Variants in PIP5K1B observed in about 807,000 individuals in gnomAD.
The protein encoded by PIP5K1B is phosphatidylinositol 4-phosphate 5-kinase type-1 beta.
A neutral mutation model predicts 67.0 loss-of-function variants in PIP5K1B; 42 were observed. That is an observed-to-expected ratio of 0.63 (90% CI 0.49 to 0.81). The LOEUF (loss-of-function observed/expected upper bound fraction) is 0.81, where lower values mean the gene tolerates loss of function less well. Ranked by LOEUF, PIP5K1B falls within the 30% of genes least tolerant of loss-of-function variation. The pLI, the probability that PIP5K1B is intolerant of heterozygous loss-of-function variation, is 0.00. For synonymous variants in PIP5K1B, 214 were observed against 231.4 expected (o/e 0.92, Z 0.68); for missense variants, 459 against 646.3 (o/e 0.71, Z 3.14).
intron 14 of PIP5K1B, chr9:68,963,293 G>A (rs116241762): frequency 2.5e-4 from 112 of 449,758 alleles, no homozygotes; most frequent in African/African-American, 4.2e-4. Context: ...TCTTGAGTCC[G>A]GAAGTTCAAG....
intron 2 of PIP5K1B, among the ~76,000 whole-genome samples, chr9:68,750,649 A>C (rs1384039151): frequency 6.6e-6 from 1 of 152,250 alleles, no homozygotes; most frequent in Non-Finnish European, 1.5e-5. Flanking sequence ...GCAGTGAATA[A>C]AATGAAGATC....
chr9:68,830,461 G>A (rs1454326214), intron 4 of PIP5K1B, among the ~76,000 whole-genome samples: 1 of 152,110 alleles, frequency 6.6e-6, no homozygotes, highest in Non-Finnish European at 1.5e-5. Context: ...TTATTAGCCT[G>A]TTGCCCTGAA....
intron 15 of PIP5K1B, among the ~76,000 whole-genome samples, chr9:69,006,308 G>T (rs1224817102): frequency 5.3e-5 from 8 of 152,140 alleles, no homozygotes; most frequent in Admixed American, 5.2e-4. Flanking sequence ...CTGGGCCCTT[G>T]TATCTAGGGA....
intron 14 of PIP5K1B, among the ~76,000 whole-genome samples, chr9:68,942,821 C>T (rs1460935433): frequency 2.6e-5 from 4 of 152,084 alleles, no homozygotes; most frequent in Non-Finnish European, 5.9e-5. Flanking sequence ...TCTTATATTT[C>T]ACTATCAATC....
chr9:68,870,057 C>T (rs779793535), intron 5 of PIP5K1B, among the ~76,000 whole-genome samples: 1 of 152,150 alleles, frequency 6.6e-6, no homozygotes, highest in Non-Finnish European at 1.5e-5. Flanking sequence ...AAACTGATTT[C>T]CTATTACTAA....
chr9:68,728,628 C>T (rs1422438926), intron 1 of PIP5K1B: 1 of 152,140 alleles, frequency 6.6e-6, no homozygotes, highest in Non-Finnish European at 1.5e-5. Flanking sequence ...TCCTGAGGCA[C>T]AGCTTGTTTG....
At chr9:68,922,626 C>T (rs1396635943) in intron 11 of PIP5K1B, among the ~76,000 whole-genome samples, 1 of 152,134 alleles carries the variant, frequency 6.6e-6, no homozygotes, top group Non-Finnish European at 1.5e-5. Flanking sequence ...CCTCCTTTCC[C>T]TTCATCTATC....
intron 12 of PIP5K1B, among the ~76,000 whole-genome samples, chr9:68,925,874 T>G (rs997081723): frequency 6.7e-6 from 1 of 148,944 alleles, no homozygotes; most frequent in East Asian, 2.0e-4. Context: ...TTCAGCTCAC[T>G]GCAACCTCTG....
chr9:68,710,076 G>A (rs1020086619), intron 1 of PIP5K1B, among the ~76,000 whole-genome samples: 5 of 152,194 alleles, frequency 3.3e-5, no homozygotes, highest in Admixed American at 1.3e-4. Context: ...GTTAGATGGT[G>A]AGTCAGAACA....
intron 7 of PIP5K1B, among the ~76,000 whole-genome samples, chr9:68,892,766 C>A (rs1196344701): frequency 6.6e-6 from 1 of 152,012 alleles, no homozygotes; most frequent in South Asian, 2.1e-4. Flanking sequence ...TAAACATGAC[C>A]ACATCAAAAG....
chr9:68,864,009 C>G, intron 5 of PIP5K1B, 42 bp downstream of exon 5: 1 of 1,600,778 alleles, frequency 6.2e-7, no homozygotes, highest in Non-Finnish European at 8.5e-7. Context: ...TGCTAAGGAA[C>G]CTTCTTTGTG....
At position 68,862,158 on chromosome 9, in the gene PIP5K1B, G is replaced by T. The variant is rs147682172; in HGVS notation, c.70-1679G>T. Among the ~76,000 whole-genome samples the T allele has an allele frequency of 4.0e-3, 603 of 152,254 alleles. 1 individual carries two copies. Among genetic ancestry groups the T allele is most frequent in the Non-Finnish European group, 6.5e-3 (443 of 68,024 alleles). On this transcript the variant is annotated intron_variant, in intron 4 of 15. Coordinates refer to ENST00000265382, the MANE Select transcript of PIP5K1B (RefSeq NM_003558.4). ...AGTCTGTAGATGGACTAGAGACCTA[G>T]CCCTGCTCTAGATGTAGTCTGTTTG...
chr9:69,008,344 C>A, intron 15 of PIP5K1B, 103 bp from the exon 16 acceptor site: 1 of 989,596 alleles, frequency 1.0e-6, no homozygotes, highest in Non-Finnish European at 1.6e-6. Context: ...TTTCCAGACA[C>A]AAGTGATTGG....
At chr9:68,997,839 A>C (rs1587783700) in intron 15 of PIP5K1B, among the ~76,000 whole-genome samples, 1 of 152,206 alleles carries the variant, frequency 6.6e-6, no homozygotes, top group African/African-American at 2.4e-5. Context: ...AAAAACAAAC[A>C]GCATTAAACT....
At chr9:68,987,053 G>A (rs983850266) in intron 14 of PIP5K1B, among the ~76,000 whole-genome samples, 6 of 152,158 alleles carry the variant, frequency 3.9e-5, no homozygotes, top group Non-Finnish European at 8.8e-5. Flanking sequence ...AGGAGTTCAA[G>A]ACCAGCCTGG....
At chr9:68,728,264 G>T (rs1320691938) in intron 1 of PIP5K1B, among the ~76,000 whole-genome samples, 1 of 152,144 alleles carries the variant, frequency 6.6e-6, no homozygotes, top group Non-Finnish European at 1.5e-5. Context: ...CAAGATCAAG[G>T]TGCTGACAGA....
At chr9:68,781,355 G>C in intron 2 of PIP5K1B, 1 of 227,416 alleles carries the variant, frequency 4.4e-6, no homozygotes, top group Non-Finnish European at 9.4e-6. Context: ...GGATTATTAA[G>C]TTCTGATGAA....
In PIP5K1B at chr9:68,849,136, A is replaced by G. The variant is rs537581737; in HGVS notation, c.70-14701A>G. On this transcript the variant is annotated intron_variant, in intron 4 of 15. Transcript: ENST00000265382. ...AGGAATCAAAGCTGAAGAAATATTC[A>G]AGAAATAAATGTATAGGAGTATATG... is the stretch of plus-strand genomic sequence containing the variant. Among the ~76,000 whole-genome samples, 116 of 152,332 alleles carry G rather than the reference A, an allele frequency of 7.6e-4. No homozygotes were observed. In the Middle Eastern group the frequency reaches 0.014, roughly 18 times the overall value.
At chr9:68,925,317 A>G (rs7863440) in intron 12 of PIP5K1B, among the ~76,000 whole-genome samples, 98,135 of 151,958 alleles carry the variant, frequency 0.65, 34,867 homozygotes, top group Non-Finnish European at 0.78. Flanking sequence ...GTAACTGCGC[A>G]GATAGATTGT....
Sources: allele counts gnomAD v4.1 joint callset (sites outside exome capture counted in the v4.1 genomes callset), GRCh38; gene constraint gnomAD v4.1.1; transcripts MANE v1.5; gene names NCBI Gene and HGNC (gene_info 2026-07-23, HGNC 2026-07-21).